Variants in MYO9B observed in about 807,000 individuals in gnomAD.
The protein encoded by MYO9B is myosin IXB.
Under a neutral mutation model 229.5 loss-of-function variants are expected in MYO9B, and 71 were observed. The observed-to-expected ratio is 0.31, with a 90% CI of 0.26 to 0.38. MYO9B has a LOEUF of 0.38. MYO9B is among the 10% of genes least tolerant of loss of function. The probability of loss-of-function intolerance (pLI) is 1.00; values close to 1 mark genes in which losing one functional copy is unlikely to be tolerated. For synonymous variants in MYO9B, 1,185 were observed against 1,235.8 expected (o/e 0.96, Z 0.86); for missense variants, 2,255 against 2,920.5 (o/e 0.77, Z 5.25).
At chr19:17,094,144 T>C (rs1432293126) in intron 1 of MYO9B, among the ~76,000 whole-genome samples, 1 of 152,096 alleles carries the variant, frequency 6.6e-6, no homozygotes, top group Non-Finnish European at 1.5e-5. Context: ...CAAGGGATTC[T>C]CCTGCCTCAG....
In MYO9B at chr19:17,203,256, G is replaced by A. The variant is rs1324797943; in HGVS notation, c.4988G>A (p.Ser1663Asn). The A allele has an allele frequency of 6.5e-7, 1 of 1,548,160 alleles. No homozygotes were observed. The highest frequency in any genetic ancestry group is 1.2e-5 in the South Asian group (1 of 83,942). The change falls in exon 30 of 40, where the codon AGC becomes AAC. Residue 1663 changes from serine (S) to asparagine (N), a missense_variant and splice_region_variant. Physicochemically the swap from Ser to Asn is conservative, Grantham distance 46. Transcript: ENST00000682292. ...CTCATGGACAAGGCCCTGCTCTGCAGCGGTGAGTGGCTCCCCCACCAGGCC... is the reference window on the plus strand; with the variant it reads ...CTCATGGACAAGGCCCTGCTCTGCAACGGTGAGTGGCTCCCCCACCAGGCC... ...IWLMDKALLC[S>N]VCKMTCHKKC...
In MYO9B at chr19:17,101,042, G is replaced by C. The variant is rs565924761; in HGVS notation, c.-58-618G>C. On this transcript the variant is annotated intron_variant, in intron 1 of 39. Transcript: ENST00000682292. This position sits in a 1 kb window ranked among gnomAD's most constrained non-coding sequence, Gnocchi z 4.7. ...GATGTGGGCTGGGAAGGGCATAGCA[G>C]AAAGAGGGTCATGGCTTGTTGGGCT... Among the ~76,000 whole-genome samples, 1 of 150,282 alleles carries C rather than the reference G, an allele frequency of 6.7e-6. No individual in the cohort carries two copies. Among genetic ancestry groups the C allele is most frequent in the Admixed American group, 6.7e-5 (1 of 14,998 alleles).
intron 1 of MYO9B, among the ~76,000 whole-genome samples, chr19:17,096,721 T>C (rs1220220886): frequency 6.8e-6 from 1 of 146,500 alleles, no homozygotes; most frequent in African/African-American, 2.5e-5. Context: ...TTTTTTTTTT[T>C]TGGAGACGGA....
At chr19:17,117,622 C>G (rs1362581002) in intron 2 of MYO9B, among the ~76,000 whole-genome samples, 1 of 152,148 alleles carries the variant, frequency 6.6e-6, no homozygotes, top group Non-Finnish European at 1.5e-5. Flanking sequence ...ATTACGGCCA[C>G]CTCTGTCTTT....
chr19:17,139,898 G>C (rs1049270835), intron 2 of MYO9B, among the ~76,000 whole-genome samples: 4 of 152,046 alleles, frequency 2.6e-5, no homozygotes, highest in African/African-American at 4.8e-5. Context: ...AAAATTAGCC[G>C]GGTGTGGTGG....
chr19:17,096,986 G>A (rs921989648), intron 1 of MYO9B, among the ~76,000 whole-genome samples: 7 of 112,258 alleles, frequency 6.2e-5, no homozygotes, highest in Admixed American at 2.7e-4. Context: ...CACCACGCCC[G>A]GCCTGTTGTT....
chr19:17,129,662 C>T (rs1455325230), intron 2 of MYO9B, among the ~76,000 whole-genome samples: 1 of 152,178 alleles, frequency 6.6e-6, no homozygotes, highest in East Asian at 1.9e-4. Context: ...ATGGGGATGG[C>T]AGGTCTGCTT....
At chr19:17,204,197 G>A (rs2073136664) in intron 30 of MYO9B, among the ~76,000 whole-genome samples, 1 of 152,134 alleles carries the variant, frequency 6.6e-6, no homozygotes, top group African/African-American at 2.4e-5. Context: ...CTTGCCAGGT[G>A]CCAGACACTC....
intron 2 of MYO9B, among the ~76,000 whole-genome samples, chr19:17,122,326 G>C: frequency 6.6e-6 from 1 of 152,154 alleles, no homozygotes; most frequent in East Asian, 1.9e-4. Flanking sequence ...ATCACCTGAG[G>C]TCAGGAGTTC....
chr19:17,136,226 G>GC (rs1331831646), intron 2 of MYO9B, among the ~76,000 whole-genome samples: 1 of 152,158 alleles, frequency 6.6e-6, no homozygotes, highest in Non-Finnish European at 1.5e-5. Context: ...AAGGAGGAGG[G>GC]CCTAGGCCCA....
rs1436983325 is a variant in MYO9B, at chr19:17,127,251, C to G, written c.841-18146C>G. On this transcript the variant is annotated intron_variant, in intron 2 of 39. Coordinates refer to ENST00000682292, the MANE Select transcript of MYO9B (RefSeq NM_004145.4). ...CTGGTCTCAAACTTGTGACCCACCCCCCTCGGCCTTCCAAAGTGCTGGAAT... is the reference window on the plus strand; with the variant it reads ...CTGGTCTCAAACTTGTGACCCACCCGCCTCGGCCTTCCAAAGTGCTGGAAT... Among the ~76,000 whole-genome samples the G allele has an allele frequency of 2.9e-5, 4 of 139,216 alleles. No individual in the cohort carries two copies. The East Asian group carries it at 6.6e-4, about 23-fold the overall frequency. 91.3% of individuals were successfully genotyped at this position (139,216 alleles called of 152,430 possible).
At chr19:17,099,951 A>G (rs2057728975) in intron 1 of MYO9B, among the ~76,000 whole-genome samples, 1 of 144,594 alleles carries the variant, frequency 6.9e-6, no homozygotes. Flanking sequence ...AACCCTGTCT[A>G]TGCTAAAAAT....
At chr19:17,106,092 ACTT>A (rs1388706797) in intron 2 of MYO9B, among the ~76,000 whole-genome samples, 1 of 151,642 alleles carries the variant, frequency 6.6e-6, no homozygotes, top group Non-Finnish European at 1.5e-5. Flanking sequence ...AGCCTCGAGA[ACTT>A]CTGGGCTCAA....
chr19:17,121,489 C>T lies in MYO9B; in HGVS notation c.840+18932C>T, dbSNP rs1037648251. Among the ~76,000 whole-genome samples the T allele has an allele frequency of 4.5e-4, 67 of 147,314 alleles. 1 individual carries two copies. The highest frequency in any genetic ancestry group is 3.9e-3 in the Admixed American group (58 of 14,898). On this transcript the variant is annotated intron_variant, in intron 2 of 39. Transcript: ENST00000682292. ...TCCAAGAGCTGCCGCCACAGGATGA[C>T]GGGTTGCTGACCACAGCTCTGGAGA...
In MYO9B at chr19:17,198,253, G is replaced by A. The variant is rs759815809; in HGVS notation, c.4183G>A (p.Asp1395Asn). 8.1e-6 allele frequency: 13 copies of A among 1,613,794 alleles called. No homozygotes were observed. The East Asian group carries it at 1.6e-4, about 19-fold the overall frequency. ...KPAVQKKKPG[D>N]ASSLPDAGLS... ...AGCTGTCCAGAAGAAGAAGCCAGGC[G>A]ACGCATCCTCCCTCCCAGACGCAGG... Residue 1395 changes from aspartate (D) to asparagine (N), a missense_variant, in exon 24 of 40, where the codon GAC becomes AAC. Coordinates refer to ENST00000682292, the MANE Select transcript of MYO9B (RefSeq NM_004145.4).
At chr19:17,169,802 CTTTTTTTTTTTTTTTTTT>C (rs762583073) in intron 11 of MYO9B, among the ~76,000 whole-genome samples, 3 of 106,588 alleles carry the variant, frequency 2.8e-5, no homozygotes, top group Admixed American at 9.5e-5. Context: ...CTGTCTCCTC[CTTTTTTTTTTTTTTTTTT>C]TTTTTTTTTT....
In MYO9B at chr19:17,092,461, A is replaced by G. The variant is rs946994071; in HGVS notation, c.-58-9199A>G. Reference sequence around the variant, plus strand: ...CGTGTGGCTGGGCACATGTGTGTGCATGAGTGTTCATATGGAAGTATATGC... The same window carrying G: ...CGTGTGGCTGGGCACATGTGTGTGCGTGAGTGTTCATATGGAAGTATATGC... On this transcript the variant is annotated intron_variant, in intron 1 of 39. Coordinates refer to ENST00000682292, the MANE Select transcript of MYO9B (RefSeq NM_004145.4). Among the ~76,000 whole-genome samples the G allele has an allele frequency of 5.9e-5, 9 of 152,320 alleles. No homozygotes were observed. In the South Asian group the frequency reaches 1.4e-3, roughly 25 times the overall value.
In MYO9B at chr19:17,203,377, G is replaced by C. The variant is rs1440038603; in HGVS notation, c.4990+119G>C. On this transcript the variant is annotated intron_variant, in intron 30 of 39. Transcript: ENST00000682292. ...CACCTGTAATCCCAGCACTTTGGGA[G>C]GCCGAGGCAGGTGGATAACGAGGTC... is the stretch of plus-strand genomic sequence containing the variant. The C allele has an allele frequency of 5.7e-6, 4 of 697,716 alleles. No individual in the cohort carries two copies. In the East Asian group the frequency reaches 1.1e-4, roughly 20 times the overall value. 43.2% of individuals were successfully genotyped at this position (697,716 alleles called of 1,614,324 possible). A position where few individuals can be genotyped will look rare whatever the true frequency, so the allele number is the denominator to read the frequency against.
chr19:17,131,206 C>G (rs1053396249), intron 2 of MYO9B, among the ~76,000 whole-genome samples: 3 of 152,248 alleles, frequency 2.0e-5, no homozygotes, highest in South Asian at 2.1e-4. Context: ...CATTCTCCCC[C>G]ACTGGAAGGC....
Sources: gnomAD v4.1 joint callset for allele counts (sites outside exome capture counted in the v4.1 genomes callset) on GRCh38, gnomAD v4.1.1 for gene constraint, Gnocchi (gnomAD v3.1) non-coding constraint, MANE v1.5 for transcripts, NCBI Gene and HGNC (gene_info 2026-07-23, HGNC 2026-07-21) for gene names.